The following SCFD2 variants were observed in gnomAD, a reference collection of about 807,000 sequenced individuals.
SCFD2 encodes the protein sec1 family domain containing 2.
A neutral mutation model predicts 58.9 loss-of-function variants in SCFD2; 54 were observed. The observed-to-expected ratio is 0.92, with a 90% CI of 0.74 to 1.15. SCFD2 has a LOEUF of 1.15. Among genes scored for constraint, SCFD2 ranks in the 50% most tolerant of loss-of-function variants. The probability of loss-of-function intolerance (pLI) is 0.00; values close to 1 mark genes in which losing one functional copy is unlikely to be tolerated. For synonymous variants in SCFD2, 321 were observed against 335.9 expected (o/e 0.96, Z 0.49); for missense variants, 805 against 836.6 (o/e 0.96, Z 0.47).
At chr4:53,227,882 T>C (rs1729275104) in intron 4 of SCFD2, among the ~76,000 whole-genome samples, 2 of 152,224 alleles carry the variant, frequency 1.3e-5, no homozygotes, top group Admixed American at 1.3e-4. Flanking sequence ...GCTGCACTTC[T>C]CATACTAGAA....
intron 5 of SCFD2, chr4:52,945,593 C>T (rs987834634): frequency 2.6e-5 from 4 of 152,094 alleles, no homozygotes; most frequent in Non-Finnish European, 5.9e-5. Context: ...CTGCTAATGT[C>T]AAGGGCAAGA....
chr4:53,270,864 GA>G (rs553251698), intron 4 of SCFD2, among the ~76,000 whole-genome samples: 2 of 151,872 alleles, frequency 1.3e-5, no homozygotes, highest in East Asian at 1.9e-4. Flanking sequence ...AAAACTGGGG[GA>G]AAAAACACTT....
At chr4:53,109,625 A>G (rs1370903695) in intron 5 of SCFD2, among the ~76,000 whole-genome samples, 1 of 152,120 alleles carries the variant, frequency 6.6e-6, no homozygotes, top group Non-Finnish European at 1.5e-5. Flanking sequence ...CACAATTGCT[A>G]CAAAGAGTAT....
At chr4:53,060,593 TG>T (rs1723481668) in intron 5 of SCFD2, among the ~76,000 whole-genome samples, 1 of 152,136 alleles carries the variant, frequency 6.6e-6, no homozygotes. Flanking sequence ...CTACCTTTGG[TG>T]TGATATCTCA....
chr4:53,247,844 G>C (rs1356670811), intron 4 of SCFD2, among the ~76,000 whole-genome samples: 19 of 114,696 alleles, frequency 1.7e-4, no homozygotes, highest in African/African-American at 3.7e-4. Flanking sequence ...GTCCAGCCTG[G>C]GCAACAGAGC....
chr4:53,349,862 G>C (rs867276109), intron 2 of SCFD2, among the ~76,000 whole-genome samples: 68 of 152,192 alleles, frequency 4.5e-4, no homozygotes, highest in African/African-American at 1.6e-3. Context: ...AATTACCTTA[G>C]GTTTCTGTGG....
intron 4 of SCFD2, among the ~76,000 whole-genome samples, chr4:53,161,784 T>C (rs1049188637): frequency 6.6e-6 from 1 of 152,212 alleles, no homozygotes; most frequent in Non-Finnish European, 1.5e-5. Context: ...TTCGTCTTTA[T>C]CTGGCTACAT....
intron 3 of SCFD2, among the ~76,000 whole-genome samples, chr4:53,303,709 C>A (rs1278921375): frequency 6.6e-6 from 1 of 151,932 alleles, no homozygotes; most frequent in African/African-American, 2.4e-5. Flanking sequence ...ACCCAAATGT[C>A]CAGCAATGAT....
At chr4:53,247,197 C>G (rs1294191457) in intron 4 of SCFD2, among the ~76,000 whole-genome samples, 1 of 152,008 alleles carries the variant, frequency 6.6e-6, no homozygotes, top group Admixed American at 6.5e-5. Context: ...AAATAAAAAC[C>G]ATAGTGACAT....
rs184221235 is a variant in SCFD2, at chr4:53,132,628, A to G, written c.1561+12705T>C. Among the ~76,000 whole-genome samples, 110 of 152,182 alleles carry G rather than the reference A, an allele frequency of 7.2e-4. 2 individuals carry two copies. Among genetic ancestry groups the G allele is most frequent in the Non-Finnish European group, 5.9e-5 (4 of 67,990 alleles). On this transcript the variant is annotated intron_variant, in intron 5 of 8. Coordinates refer to ENST00000401642, the MANE Select transcript of SCFD2 (RefSeq NM_152540.4). The stretch of plus-strand genomic sequence containing the variant: ...TTTCTGAAATGAGTGTTCCCCCTAC[A>G]CCCTGAAGTTTTCCTTTAGCTGAGT...
intron 4 of SCFD2, among the ~76,000 whole-genome samples, chr4:53,257,156 G>A (rs1730669969): frequency 6.6e-6 from 1 of 151,954 alleles, no homozygotes; most frequent in Non-Finnish European, 1.5e-5. Flanking sequence ...AATACAGATA[G>A]AGAGGCCAAA....
intron 4 of SCFD2, among the ~76,000 whole-genome samples, chr4:53,171,791 T>C (rs1287275656): frequency 6.6e-6 from 1 of 151,998 alleles, no homozygotes; most frequent in South Asian, 2.1e-4. Context: ...TAATTGTTCA[T>C]GGTAATCTCT....
chr4:53,317,524 T>A (rs1242944413), intron 2 of SCFD2, among the ~76,000 whole-genome samples: 1 of 152,238 alleles, frequency 6.6e-6, no homozygotes, highest in Non-Finnish European at 1.5e-5. Context: ...AAACTTTATG[T>A]CAAGAAAAGT....
intron 4 of SCFD2, among the ~76,000 whole-genome samples, chr4:53,253,044 A>C (rs1203408649): frequency 6.6e-6 from 1 of 152,214 alleles, no homozygotes; most frequent in African/African-American, 2.4e-5. Flanking sequence ...ATTTACAAGA[A>C]AAAAACAAAC....
At chr4:53,325,289 A>C (rs553507479) in intron 2 of SCFD2, among the ~76,000 whole-genome samples, 1 of 152,314 alleles carries the variant, frequency 6.6e-6, no homozygotes, top group Non-Finnish European at 1.5e-5. Context: ...TAATTCTAAT[A>C]ACACATTCCT....
chr4:53,214,587 T>C (rs1029297781), intron 4 of SCFD2, among the ~76,000 whole-genome samples: 12 of 152,192 alleles, frequency 7.9e-5, no homozygotes, highest in African/African-American at 2.9e-4. Context: ...AAAAATTTTC[T>C]CCCATTCTGT....
intron 4 of SCFD2, among the ~76,000 whole-genome samples, chr4:53,263,439 G>T (rs974838338): frequency 3.3e-5 from 5 of 152,158 alleles, no homozygotes; most frequent in African/African-American, 1.2e-4. Flanking sequence ...CTCATGGGGT[G>T]CTCCCTTGAT....
At chr4:53,168,863 T>G (rs1727091870) in intron 4 of SCFD2, among the ~76,000 whole-genome samples, 1 of 152,232 alleles carries the variant, frequency 6.6e-6, no homozygotes, top group African/African-American at 2.4e-5. Context: ...CTGTCTAAAC[T>G]GAAACTTTGT....
intron 4 of SCFD2, among the ~76,000 whole-genome samples, chr4:53,268,249 G>C (rs1292943805): frequency 6.6e-6 from 1 of 152,108 alleles, no homozygotes; most frequent in Non-Finnish European, 1.5e-5. Context: ...AACCCAAGGG[G>C]ATGGAAAGGG....
Sources: gnomAD v4.1 joint callset for allele counts (sites outside exome capture counted in the v4.1 genomes callset) on GRCh38, gnomAD v4.1.1 for gene constraint, MANE v1.5 for transcripts, NCBI Gene and HGNC (gene_info 2026-07-23, HGNC 2026-07-21) for gene names.